Variants in KLHDC4 observed in about 807,000 individuals in gnomAD.
KLHDC4 encodes kelch domain containing 4, also known as kelch domain-containing protein 4.
KLHDC4 carries 90 observed loss-of-function variants against 62.4 expected under a neutral mutation model. The observed-to-expected ratio is 1.44, with a 90% CI of 1.22 to 1.72. The LOEUF is 1.72. KLHDC4 is among the 40% of genes most tolerant of loss of function. The pLI is 0.00. For synonymous variants in KLHDC4, 386 were observed against 284.4 expected (o/e 1.36, Z -3.59); for missense variants, 1,025 against 699.7 (o/e 1.47, Z -5.25).
At chr16:87,703,373 C>CT (rs1288716084), downstream of KLHDC4, 1 of 152,350 alleles carries the variant, frequency 6.6e-6, no homozygotes, top group Admixed American at 6.5e-5. Context: ...CAGGGCATGT[C>CT]TCCCCCAGCC....
At chr16:87,730,905 A>C (rs2040233552) in intron 5 of KLHDC4, 2 of 348,064 alleles carry the variant, frequency 5.7e-6, no homozygotes, top group South Asian at 7.7e-5. Flanking sequence ...TTTCCTAGGT[A>C]GAACATTATA....
At chr16:87,749,732 T>G (rs2043620718) in intron 4 of KLHDC4, among the ~76,000 whole-genome samples, 1 of 152,108 alleles carries the variant, frequency 6.6e-6, no homozygotes, top group Non-Finnish European at 1.5e-5. Flanking sequence ...GACAGGCATG[T>G]GACATCATGC....
intron 1 of KLHDC4, among the ~76,000 whole-genome samples, chr16:87,764,795 T>C (rs2046378448): frequency 7.2e-6 from 1 of 139,082 alleles, no homozygotes; most frequent in African/African-American, 2.8e-5. Flanking sequence ...GTCATGCCAC[T>C]GCAGCCCAGC....
rs760716517 is a variant in KLHDC4 at position 87,765,825 on chromosome 16, C to T, written c.66G>A (p.Glu22=). The T allele has an allele frequency of 2.6e-6, 4 of 1,565,584 alleles. No individual in the cohort carries two copies. The Admixed American group carries it at 5.7e-5, about 22-fold the overall frequency. ...TCCGCGAGCGCTTAGACACCTTCTT[C>T]TCCATCTTGGCGGCCGTCTTCTCCG... ...RGAEKTAAKM[E]KKVSKRSRKE... The change falls in exon 1 of 12, where the codon GAG becomes GAA. Residue 22 remains glutamate, a synonymous_variant. Transcript: ENST00000270583.
chr16:87,744,306 T>C (rs1254724959), intron 5 of KLHDC4, among the ~76,000 whole-genome samples: 2 of 151,818 alleles, frequency 1.3e-5, no homozygotes, highest in Non-Finnish European at 2.9e-5. Flanking sequence ...TCCCTGCTAC[T>C]CAGGAAGCTG....
At chr16:87,719,295 A>G (rs1055167078) in intron 7 of KLHDC4, among the ~76,000 whole-genome samples, 6 of 152,286 alleles carry the variant, frequency 3.9e-5, no homozygotes, top group African/African-American at 1.4e-4. Context: ...AGAGGTAGAC[A>G]TGGGAGACTC....
At chr16:87,754,813 C>T (rs1267689000) in intron 4 of KLHDC4, among the ~76,000 whole-genome samples, 1 of 152,212 alleles carries the variant, frequency 6.6e-6, no homozygotes, top group African/African-American at 2.4e-5. Context: ...CCACTCGTTT[C>T]CGCTAATACA....
chr16:87,729,961 A>G (rs370572964), intron 6 of KLHDC4, among the ~76,000 whole-genome samples: 4 of 151,942 alleles, frequency 2.6e-5, no homozygotes, highest in Admixed American at 2.6e-4. Context: ...TTTTTTATTT[A>G]TTTATTTTTT....
At chr16:87,728,605 T>C (rs1461096659) in intron 6 of KLHDC4, among the ~76,000 whole-genome samples, 2 of 152,224 alleles carry the variant, frequency 1.3e-5, no homozygotes, top group Non-Finnish European at 2.9e-5. Flanking sequence ...CTCACTGTCC[T>C]ACACATAGTA....
downstream of KLHDC4, among the ~76,000 whole-genome samples, chr16:87,706,427 AG>A: frequency 1.1e-5 from 1 of 91,582 alleles, no homozygotes; most frequent in East Asian, 3.8e-4. Flanking sequence ...TGCAGCCTCC[AG>A]GGGGGTCGGC....
In KLHDC4 at chr16:87,714,514, T is replaced by C. The variant is rs1466837763; in HGVS notation, c.819A>G (p.Pro273=). ...CACCTCTACCTTCTCTTCCGTCCTC[T>C]GGCTTCAGCAGGAACATGTCTGAGT... The part of the protein sequence containing the change: ...TRHSDMFLLK[P]EDGREDKWVW... The change falls in exon 8 of 12, where the codon CCA becomes CCG. Residue 273 remains proline, a synonymous_variant. Coordinates refer to ENST00000270583, the MANE Select transcript of KLHDC4 (RefSeq NM_017566.4). The C allele has an allele frequency of 5.0e-6, 8 of 1,614,178 alleles. No individual in the cohort carries two copies. The South Asian group carries it at 8.8e-5, about 18-fold the overall frequency.
chr16:87,755,456 G>A (rs964132363), intron 3 of KLHDC4, 164 bp from the exon 4 acceptor site: 5 of 491,348 alleles, frequency 1.0e-5, no homozygotes, highest in African/African-American at 2.0e-5. Flanking sequence ...GGCCATTGGG[G>A]ATGACGACAC....
chr16:87,729,112 C>A (rs1306022626), intron 6 of KLHDC4, among the ~76,000 whole-genome samples: 1 of 152,160 alleles, frequency 6.6e-6, no homozygotes, highest in African/African-American at 2.4e-5. Context: ...ATTTTTAAAT[C>A]TTTCCCCCTT....
chr16:87,725,283 G>A (rs895859214), intron 7 of KLHDC4, among the ~76,000 whole-genome samples: 25 of 152,126 alleles, frequency 1.6e-4, no homozygotes, highest in African/African-American at 5.1e-4. Context: ...GGTCAATGAC[G>A]CATAGGAAAT....
At chr16:87,709,165 G>A in intron 10 of KLHDC4, 100 bp downstream of exon 10, 2 of 1,437,224 alleles carry the variant, frequency 1.4e-6, no homozygotes, top group Non-Finnish European at 9.4e-7. Context: ...GTCGGCACAG[G>A]CCGCCTCTGG....
Position 87,747,925 on chromosome 16 carries a change from C to T in KLHDC4, c.506+748G>A, listed in dbSNP as rs773816440. Among the ~76,000 whole-genome samples, 6 of 152,354 alleles carry T rather than the reference C, an allele frequency of 3.9e-5. No individual in the cohort carries two copies. The South Asian group carries it at 8.3e-4, about 21-fold the overall frequency. ...TCTATCCCAGAAGCAAGGGCACTTC[C>T]GCTCTGCTGCTTTAATGGCAGAGAG... On this transcript the variant is annotated intron_variant, in intron 5 of 11. Coordinates refer to ENST00000270583, the MANE Select transcript of KLHDC4 (RefSeq NM_017566.4).
chr16:87,742,437 T>C (rs1209005284), intron 5 of KLHDC4, among the ~76,000 whole-genome samples: 1 of 152,220 alleles, frequency 6.6e-6, no homozygotes, highest in Non-Finnish European at 1.5e-5. Flanking sequence ...TTTACATGAA[T>C]ATTCTTACTT....
chr16:87,730,735 ACT>A, intron 5 of KLHDC4, 91 bp from the exon 6 acceptor site: 2 of 1,087,950 alleles, frequency 1.8e-6, no homozygotes, highest in South Asian at 2.7e-5. Flanking sequence ...CAATTTTTAC[ACT>A]GATTTCTGTT....
intron 7 of KLHDC4, among the ~76,000 whole-genome samples, chr16:87,717,537 C>T (rs1423131877): frequency 6.6e-6 from 1 of 152,196 alleles, no homozygotes; most frequent in Non-Finnish European, 1.5e-5. Flanking sequence ...AAAACTGAGT[C>T]TGGGTCTCTT....
Sources: gnomAD v4.1 joint callset for allele counts (sites outside exome capture counted in the v4.1 genomes callset) on GRCh38, gnomAD v4.1.1 for gene constraint, MANE v1.5 for transcripts, NCBI Gene and HGNC (gene_info 2026-07-23, HGNC 2026-07-21) for gene names.